The following TNRC18 variants were observed in gnomAD, a reference collection of about 807,000 sequenced individuals.
The protein encoded by TNRC18 is trinucleotide repeat containing 18.
Under a neutral mutation model 226.7 loss-of-function variants are expected in TNRC18, and 69 were observed. The ratio of observed to expected loss-of-function variants is 0.30; its 90% confidence interval spans 0.25 to 0.37. The LOEUF (loss-of-function observed/expected upper bound fraction) is 0.37. Among genes scored for constraint, TNRC18 ranks in the 10% least tolerant of loss-of-function variants. The pLI is 1.00. For missense variants in TNRC18, 4,754 were observed against 4,256.6 expected, an observed-to-expected ratio of 1.12 and a Z score of -3.25; for synonymous variants, 2,449 against 1,927.6, an observed-to-expected ratio of 1.27 and a Z score of -7.09.
In TNRC18 at chr7:5,374,207, G is replaced by T; in HGVS notation, c.3077C>A (p.Thr1026Asn). 2 of 1,429,026 alleles carry T rather than the reference G, an allele frequency of 1.4e-6. No individual in the cohort carries two copies. The highest frequency in any genetic ancestry group is 9.2e-7 in the Non-Finnish European group (1 of 1,090,706). The allele number at this position is 1,429,026 out of a possible 1,614,324, so 88.5% of individuals were successfully genotyped here. A position where few individuals can be genotyped will look rare whatever the true frequency, so the allele number is the denominator to read the frequency against. The change falls in exon 10 of 30, where the codon ACC becomes AAC. Residue 1026 changes from threonine to asparagine, a missense_variant. Physicochemically the swap from Thr to Asn is moderately conservative, Grantham distance 65 (BLOSUM62 0). Coordinates refer to ENST00000430969, the MANE Select transcript of TNRC18 (RefSeq NM_001080495.3). ...CGGGCTGGTGGGGTGGGAGCTGGGG[G>T]TGGCGGGGTAGGCGTAGGCGGGTGG... ...SKPPAYAYPA[T>N]PSSHPTSPPP...
chr7:5,401,041 T>A (rs1339507506), intron 2 of TNRC18, among the ~76,000 whole-genome samples: 1 of 151,840 alleles, frequency 6.6e-6, no homozygotes, highest in East Asian at 1.9e-4. Flanking sequence ...TCAAAAAAAA[T>A]TTATTAAAAA....
intron 17 of TNRC18, among the ~76,000 whole-genome samples, chr7:5,346,964 G>A (rs1483493717): frequency 2.0e-5 from 3 of 152,166 alleles, no homozygotes; most frequent in Admixed American, 6.5e-5. Context: ...TGCCCAGGAA[G>A]GGCAGGGGTA....
chr7:5,345,519 C>CCCCCCACCCCCCCCCA, intron 18 of TNRC18, 43 bp downstream of exon 18: 1 of 174,076 alleles, frequency 5.7e-6, no homozygotes. Flanking sequence ...TGGCGTCCGC[C>CCCCCCACCCCCCCCCA]CCTCCCACCC....
chr7:5,363,885 C>A (rs892683252), intron 11 of TNRC18, among the ~76,000 whole-genome samples: 1 of 152,106 alleles, frequency 6.6e-6, no homozygotes, highest in South Asian at 2.1e-4. Context: ...CCGCTTCCTT[C>A]CTCCTCCAAC....
chr7:5,358,914 G>A (rs1174367915), intron 15 of TNRC18, among the ~76,000 whole-genome samples: 1 of 152,180 alleles, frequency 6.6e-6, no homozygotes, highest in Non-Finnish European at 1.5e-5. Context: ...TTAAGTGGAT[G>A]ATTTCAATGT....
intron 11 of TNRC18, among the ~76,000 whole-genome samples, chr7:5,364,459 G>GAA (rs145992968): frequency 3.6e-5 from 2 of 54,808 alleles, no homozygotes; most frequent in Non-Finnish European, 4.0e-5. Flanking sequence ...CTGTCTCAAA[G>GAA]AAAACACACA....
chr7:5,372,598 C>T (rs1057348260), intron 10 of TNRC18, among the ~76,000 whole-genome samples: 3 of 151,954 alleles, frequency 2.0e-5, no homozygotes, highest in African/African-American at 7.3e-5. Flanking sequence ...CCCTGTAATC[C>T]GAGCTACTTC....
intron 18 of TNRC18, among the ~76,000 whole-genome samples, chr7:5,342,361 G>A (rs79374314): frequency 2.4e-4 from 37 of 152,056 alleles, no homozygotes; most frequent in East Asian, 5.8e-4. Context: ...CTGGGGAGGC[G>A]GAGGTTGCAG....
Position 5,388,209 on chromosome 7 carries a change from C to A in TNRC18, c.1615G>T (p.Ala539Ser), listed in dbSNP as rs1779958786. 6.3e-7 allele frequency: 1 copy of A among 1,598,464 alleles called. No individual in the cohort carries two copies. Among genetic ancestry groups the A allele is most frequent in the East Asian group, 2.3e-5 (1 of 44,138 alleles). Residue 539 changes from alanine (A) to serine (S), a missense_variant, in exon 5 of 30, where the codon GCC becomes TCC. By Grantham distance (99) the Ala-to-Ser change is moderately conservative. Coordinates refer to ENST00000430969, the MANE Select transcript of TNRC18 (RefSeq NM_001080495.3). ...GAGGAGGAGGCAGCGACCACGGCGG[C>A]CTCCTCTTCGGCGCGGCTGTGGTGG... ...QHHHSRAEEE[A>S]AVVAASSSKK...
intron 11 of TNRC18, among the ~76,000 whole-genome samples, chr7:5,368,400 C>T (rs905855357): frequency 9.9e-5 from 15 of 151,944 alleles, no homozygotes; most frequent in Non-Finnish European, 1.9e-4. Flanking sequence ...CGGTGGCTCA[C>T]GCCTGTAATC....
At chr7:5,326,987 G>T (rs1788983463) in intron 19 of TNRC18, among the ~76,000 whole-genome samples, 1 of 152,076 alleles carries the variant, frequency 6.6e-6, no homozygotes, top group Non-Finnish European at 1.5e-5. Flanking sequence ...AGCTGGGCAT[G>T]GTGGCACACG....
chr7:5,377,323 C>T lies in TNRC18; in HGVS notation c.2461+48G>A, dbSNP rs1012793507. ...AGCTCTTGTCCTGCACCCGCCCCCT[C>T]CCACCCCTCCCTCAGAGAAGGGGAG... is the stretch of plus-strand genomic sequence containing the variant. On this transcript the variant is annotated intron_variant, in intron 7 of 29. Coordinates refer to ENST00000430969, the MANE Select transcript of TNRC18 (RefSeq NM_001080495.3). This position sits in a 1 kb window ranked among gnomAD's most constrained non-coding sequence, Gnocchi z 5.8. 6.3e-6 allele frequency: 6 copies of T among 949,424 alleles called. No homozygotes were observed. In the African/African-American group the frequency reaches 9.9e-5, roughly 16 times the overall value. The allele number at this position is 949,424 out of a possible 1,614,324, so 58.8% of individuals were successfully genotyped here. A position where few individuals can be genotyped will look rare whatever the true frequency, so the allele number is the denominator to read the frequency against.
intron 16 of TNRC18, 29 bp from the exon 17 acceptor site, chr7:5,352,123 T>G (rs1791892326): frequency 2.5e-6 from 4 of 1,573,318 alleles, no homozygotes; most frequent in Non-Finnish European, 3.5e-6. Context: ...TTAATAGAGA[T>G]AAGTCACAGG....
chr7:5,397,293 G>T (rs376249410), intron 2 of TNRC18, among the ~76,000 whole-genome samples: 1 of 152,188 alleles, frequency 6.6e-6, no homozygotes, highest in Non-Finnish European at 1.5e-5. Flanking sequence ...CAGGGTTTGC[G>T]CAAGAGCTTA....
intron 11 of TNRC18, among the ~76,000 whole-genome samples, chr7:5,369,018 G>A (rs900843914): frequency 5.3e-5 from 8 of 152,162 alleles, no homozygotes; most frequent in African/African-American, 7.2e-5. Flanking sequence ...GATCAGCGCA[G>A]CCCATGTCCC....
chr7:5,327,000 T>A (rs1361892281), intron 19 of TNRC18, among the ~76,000 whole-genome samples: 7 of 151,956 alleles, frequency 4.6e-5, no homozygotes, highest in Non-Finnish European at 8.8e-5. Flanking sequence ...GGCACACGCC[T>A]GTAGTCCCAG....
intron 16 of TNRC18, 73 bp downstream of exon 16, chr7:5,356,843 A>C: frequency 7.2e-7 from 1 of 1,388,466 alleles, no homozygotes; most frequent in Non-Finnish European, 9.5e-7. Context: ...GGGGGGAAGG[A>C]GGACGGTGGA....
chr7:5,345,590 C>G lies in TNRC18; in HGVS notation c.5691G>C (p.Arg1897=). 1 of 1,338,818 alleles carries G rather than the reference C, an allele frequency of 7.5e-7. No individual in the cohort carries two copies. The highest frequency in any genetic ancestry group is 9.8e-7 in the Non-Finnish European group (1 of 1,015,850). The allele number at this position is 1,338,818 out of a possible 1,614,324, so 82.9% of individuals were successfully genotyped here. The change falls in exon 18 of 30, where the codon CGG becomes CGC. Residue 1897 remains arginine (R), a synonymous_variant. Coordinates refer to ENST00000430969, the MANE Select transcript of TNRC18 (RefSeq NM_001080495.3). ...GCAGGCTCTGCCGCTCCTCTTTCTTCCGGGCCTTCTGCTTGGCCTCCAGCT... is the reference window on the plus strand; with the variant it reads ...GCAGGCTCTGCCGCTCCTCTTTCTTGCGGGCCTTCTGCTTGGCCTCCAGCT... The part of the protein sequence containing the change: ...VVQLEAKQKA[R]KKEERQSLLG...
chr7:5,334,802 G>A (rs1043113264), intron 18 of TNRC18, among the ~76,000 whole-genome samples: 5 of 152,170 alleles, frequency 3.3e-5, no homozygotes, highest in African/African-American at 1.2e-4. Context: ...GGGAGGGACA[G>A]TAGACAGAGA....
Sources: allele counts gnomAD v4.1 joint callset (sites outside exome capture counted in the v4.1 genomes callset), GRCh38; gene constraint gnomAD v4.1.1; non-coding constraint Gnocchi (gnomAD v3.1); transcripts MANE v1.5; gene names NCBI Gene and HGNC (gene_info 2026-07-23, HGNC 2026-07-21).